FERMT2: variants seen among roughly 807,000 people sequenced by gnomAD.
The protein encoded by FERMT2 is fermitin family homolog 2.
FERMT2 carries 15 observed loss-of-function variants against 82.7 expected under a neutral mutation model. That is an observed-to-expected ratio of 0.18 (90% CI 0.12 to 0.28). The LOEUF (loss-of-function observed/expected upper bound fraction) is 0.28. Among genes scored for constraint, FERMT2 ranks in the 10% least tolerant of loss-of-function variants. FERMT2 has a pLI of 1.00. For synonymous variants in FERMT2, 274 were observed against 271.5 expected (o/e 1.01, Z -0.09); for missense variants, 645 against 809.4 (o/e 0.80, Z 2.46).
At chr14:52,902,876 A>T (rs1887742792) in intron 3 of FERMT2, among the ~76,000 whole-genome samples, 1 of 137,546 alleles carries the variant, frequency 7.3e-6, no homozygotes, top group Non-Finnish European at 1.5e-5. Context: ...CTCAAAAAAA[A>T]AAAAAAAAAA....
At chr14:52,918,761 G>A (rs1888770536) in intron 3 of FERMT2, among the ~76,000 whole-genome samples, 1 of 152,170 alleles carries the variant, frequency 6.6e-6, no homozygotes, top group East Asian at 1.9e-4. Flanking sequence ...CTTCAATGGA[G>A]GAAGTGACAC....
rs766018321 is a variant in FERMT2 at position 52,950,416 on chromosome 14, T to A, written c.153A>T (p.Lys51Asn). 1 of 1,612,428 alleles carries A rather than the reference T, an allele frequency of 6.2e-7. No individual in the cohort carries two copies. Among genetic ancestry groups the A allele is most frequent in the East Asian group, 2.2e-5 (1 of 44,718 alleles). ...IGGVMLKLVE[K>N]LDVKKDWSDH... is the part of the protein sequence containing the mutation. ...CGCGGCTGGGATGCTACTCACCGAG[T>A]TTCTCCACCAGCTTAAGCATCACGC... Residue 51 changes from lysine (K) to asparagine (N), a missense_variant, in exon 2 of 15, where the codon AAA becomes AAT. Coordinates refer to ENST00000341590, the MANE Select transcript of FERMT2 (RefSeq NM_006832.3).
In FERMT2 at chr14:52,893,917, C is replaced by A. The variant is rs560751586; in HGVS notation, c.392-490G>T. Among the ~76,000 whole-genome samples the A allele has an allele frequency of 8.6e-5, 13 of 151,984 alleles. No individual in the cohort carries two copies. The South Asian group carries it at 2.7e-3, about 32-fold the overall frequency. ...AATCTCGGCTCGCCACAACCTCCAC[C>A]TCCCAGGTTCAAGTGATTCTCCTGC... On this transcript the variant is annotated intron_variant, in intron 3 of 14. Transcript: ENST00000341590.
chr14:52,875,908 C>A (rs1332953187), intron 7 of FERMT2, among the ~76,000 whole-genome samples: 2 of 152,132 alleles, frequency 1.3e-5, no homozygotes, highest in African/African-American at 2.4e-5. Context: ...TGAGTACGCA[C>A]ATGGACACCC....
At chr14:52,947,350 G>T (rs1188994952) in intron 2 of FERMT2, among the ~76,000 whole-genome samples, 2 of 152,112 alleles carry the variant, frequency 1.3e-5, no homozygotes, top group Non-Finnish European at 2.9e-5. Flanking sequence ...ATGGTGGCGG[G>T]TGTCTGTAGT....
chr14:52,860,310 GGTTTACA>G, intron 13 of FERMT2, 24 bp downstream of exon 13: 1 of 1,607,826 alleles, frequency 6.2e-7, no homozygotes, highest in Non-Finnish European at 8.5e-7. Flanking sequence ...TGCAGATTAA[GGTTTACA>G]CATAGATGCT....
intron 2 of FERMT2, among the ~76,000 whole-genome samples, chr14:52,948,337 A>T (rs1890457367): frequency 6.6e-6 from 1 of 152,198 alleles, no homozygotes; most frequent in Admixed American, 6.5e-5. Context: ...GGATGTTTTA[A>T]ATGCTGCCCT....
intron 2 of FERMT2, among the ~76,000 whole-genome samples, chr14:52,944,555 T>G (rs757666254): frequency 7.2e-5 from 11 of 152,220 alleles, no homozygotes; most frequent in Non-Finnish European, 1.3e-4. Context: ...TATTTTTTTG[T>G]GTAACGAAGC....
chr14:52,905,084 G>A (rs1887920694), intron 3 of FERMT2, among the ~76,000 whole-genome samples: 1 of 151,442 alleles, frequency 6.6e-6, no homozygotes, highest in Admixed American at 6.6e-5. Flanking sequence ...AGCTACTCAG[G>A]AGGCTGAGGC....
At chr14:52,901,688 G>A (rs1055955800) in intron 3 of FERMT2, among the ~76,000 whole-genome samples, 2 of 152,156 alleles carry the variant, frequency 1.3e-5, no homozygotes, top group African/African-American at 4.8e-5. Flanking sequence ...ATGACCCCTA[G>A]CAGACAAGCC....
chr14:52,866,551 C>G (rs568510637), intron 10 of FERMT2, among the ~76,000 whole-genome samples: 2 of 152,238 alleles, frequency 1.3e-5, no homozygotes, highest in East Asian at 3.9e-4. Context: ...TTTTCCTTGC[C>G]TATACTCAGG....
intron 2 of FERMT2, among the ~76,000 whole-genome samples, chr14:52,944,894 G>T (rs1890257237): frequency 6.6e-6 from 1 of 151,826 alleles, no homozygotes; most frequent in African/African-American, 2.4e-5. Flanking sequence ...ATAATCCTCA[G>T]ATTTTCTTTT....
In FERMT2 at chr14:52,875,249, C is replaced by T; in HGVS notation, c.1072G>A (p.Glu358Lys). 6.2e-7 allele frequency: 1 copy of T among 1,611,294 alleles called. No individual in the cohort carries two copies. The highest frequency in any genetic ancestry group is 1.1e-5 in the South Asian group (1 of 90,054). The change falls in exon 8 of 15, where the codon GAA (glutamate) becomes AAA (lysine). Residue 358 changes from glutamate to lysine, a missense_variant. Physicochemically the swap from Glu to Lys is moderately conservative, Grantham distance 56. Coordinates refer to ENST00000341590, the MANE Select transcript of FERMT2 (RefSeq NM_006832.3). ...AAAATTGTTGACGTTTTACCCCCTT[C>T]CAGAGTAATCTCCAGGTCTGAAAGG... ...AALSDLEITL[E>K]GGKTSTILGD...
chr14:52,857,479 T>A lies in FERMT2; in HGVS notation c.*898A>T, dbSNP rs1884643141. 1 of 152,584 alleles carries A rather than the reference T, an allele frequency of 6.6e-6. No individual in the cohort carries two copies. The highest frequency in any genetic ancestry group is 1.5e-5 in the Non-Finnish European group (1 of 68,026). 9.5% of individuals were successfully genotyped at this position (152,584 alleles called of 1,614,324 possible). On this transcript the variant is annotated 3_prime_UTR_variant, in exon 15 of 15. Coordinates refer to ENST00000341590, the MANE Select transcript of FERMT2 (RefSeq NM_006832.3). ...GTCCAGGCATTAGAGTTAAGGACAT[T>A]GTGGCAAATCATGATCATAATGAAG... is the stretch of plus-strand genomic sequence containing the variant.
At chr14:52,937,505 C>T (rs1889898701) in intron 2 of FERMT2, among the ~76,000 whole-genome samples, 1 of 152,190 alleles carries the variant, frequency 6.6e-6, no homozygotes, top group Non-Finnish European at 1.5e-5. Flanking sequence ...TTACTCACGA[C>T]TCTAAACCTC....
At chr14:52,894,116 C>T (rs1046301892) in intron 3 of FERMT2, among the ~76,000 whole-genome samples, 1 of 152,170 alleles carries the variant, frequency 6.6e-6, no homozygotes, top group African/African-American at 2.4e-5. Context: ...CGTGAGCCAC[C>T]GTGCCCGGCC....
chr14:52,919,199 G>A lies in FERMT2; in HGVS notation c.315C>T (p.Asn105=). The A allele has an allele frequency of 1.9e-6, 3 of 1,614,056 alleles. No homozygotes were observed. Among genetic ancestry groups the A allele is most frequent in the Non-Finnish European group, 2.5e-6 (3 of 1,179,954 alleles). ...TCACTTTCACCTTCACATACTTCAT[G>A]TTGGGAAGCTGCAGGCGGAGCAGTT... The part of the protein sequence containing the change: ...QHKLLRLQLP[N]MKYVKVKVNF... Residue 105 remains asparagine (N), a synonymous_variant, in exon 3 of 15, where the codon AAC becomes AAT. Coordinates refer to ENST00000341590, the MANE Select transcript of FERMT2 (RefSeq NM_006832.3).
intron 2 of FERMT2, among the ~76,000 whole-genome samples, chr14:52,949,684 C>G (rs1185716174): frequency 6.6e-6 from 1 of 152,184 alleles, no homozygotes; most frequent in Non-Finnish European, 1.5e-5. Flanking sequence ...TATTTTAAAT[C>G]GGATATCAAT....
intron 4 of FERMT2, among the ~76,000 whole-genome samples, chr14:52,888,335 TAATC>T (rs1886729179): frequency 6.6e-6 from 1 of 152,200 alleles, no homozygotes; most frequent in Admixed American, 6.5e-5. Flanking sequence ...TACTATGTCT[TAATC>T]AAGGCAGCCC....
Sources: gnomAD v4.1 joint callset for allele counts (sites outside exome capture counted in the v4.1 genomes callset) on GRCh38, gnomAD v4.1.1 for gene constraint, MANE v1.5 for transcripts, NCBI Gene and HGNC (gene_info 2026-07-23, HGNC 2026-07-21) for gene names.